SUSD5: variants seen among roughly 807,000 people sequenced by gnomAD.
SUSD5 encodes sushi domain containing 5.
A neutral mutation model predicts 29.5 loss-of-function variants in SUSD5; 33 were observed. The ratio of observed to expected loss-of-function variants is 1.12; its 90% CI spans 0.85 to 1.49. The LOEUF (loss-of-function observed/expected upper bound fraction) is 1.49, where lower values mean the gene tolerates loss of function less well. Ranked by LOEUF, SUSD5 falls within the 40% of genes most tolerant of loss-of-function variation. The pLI is 0.00. For synonymous variants in SUSD5, 308 were observed against 325.3 expected (o/e 0.95, Z 0.57); for missense variants, 776 against 800.6 (o/e 0.97, Z 0.37).
chr3:33,163,401 C>T (rs1200364660), intron 4 of SUSD5, among the ~76,000 whole-genome samples: 1 of 151,434 alleles, frequency 6.6e-6, no homozygotes, highest in Non-Finnish European at 1.5e-5. Flanking sequence ...TACATTATAC[C>T]TAGTTAGATT....
At chr3:33,194,019 A>G (rs974503610) in intron 3 of SUSD5, among the ~76,000 whole-genome samples, 9 of 152,190 alleles carry the variant, frequency 5.9e-5, no homozygotes, top group African/African-American at 1.9e-4. Flanking sequence ...CCTATGAATA[A>G]TATCAGTATT....
At chr3:33,196,117 C>T (rs35171300) in intron 3 of SUSD5, among the ~76,000 whole-genome samples, 21,885 of 152,052 alleles carry the variant, frequency 0.14, 1,746 homozygotes, top group East Asian at 0.26. Context: ...TTTGAATGGC[C>T]CTGAATGGAT....
Position 33,180,937 on chromosome 3 carries a change from G to A in SUSD5, c.410-5863C>T, listed in dbSNP as rs185944440. Among the ~76,000 whole-genome samples the A allele has an allele frequency of 5.1e-3, 761 of 150,290 alleles. 27 individuals are homozygous for A. Among genetic ancestry groups the A allele is most frequent in the East Asian group, 1.9e-3 (10 of 5,136 alleles). On this transcript the variant is annotated intron_variant, in intron 3 of 4. Coordinates refer to ENST00000309558, the MANE Select transcript of SUSD5 (RefSeq NM_015551.2). Reference sequence around the variant, plus strand: ...GGCCTCAAGAGATCCTCCTGCCTCAGGCCTTCCAAAGTGCTGGGGTTGCAG... The same window carrying A: ...GGCCTCAAGAGATCCTCCTGCCTCAAGCCTTCCAAAGTGCTGGGGTTGCAG...
chr3:33,180,987 T>TAAC (rs1417496911), intron 3 of SUSD5, among the ~76,000 whole-genome samples: 1 of 148,814 alleles, frequency 6.7e-6, no homozygotes, highest in Non-Finnish European at 1.5e-5. Flanking sequence ...ACCCAGCAAA[T>TAAC]AATAATAATA....
Position 33,175,070 on chromosome 3 carries a change from C to T in SUSD5, c.414G>A (p.Lys138=), listed in dbSNP as rs751928122. Reference sequence around the variant, plus strand: ...GGAACGAAGGCGGGTCTCCACACGGCTTCTCTGAGGAGAAGGAATCACAGT... The same window carrying T: ...GGAACGAAGGCGGGTCTCCACACGGTTTCTCTGAGGAGAAGGAATCACAGT... The part of the protein sequence containing the change: ...YSALCIKDEE[K]PCGDPPSFPH... Residue 138 remains lysine (K), a synonymous_variant, in exon 4 of 5, where the codon AAG becomes AAA. Coordinates refer to ENST00000309558, the MANE Select transcript of SUSD5 (RefSeq NM_015551.2). 30 of 1,613,868 alleles carry T rather than the reference C, an allele frequency of 1.9e-5. No homozygotes were observed. Among genetic ancestry groups the T allele is most frequent in the Non-Finnish European group, 2.4e-5 (28 of 1,179,866 alleles).
At chr3:33,184,650 T>C (rs2031742423) in intron 3 of SUSD5, among the ~76,000 whole-genome samples, 1 of 152,236 alleles carries the variant, frequency 6.6e-6, no homozygotes, top group Non-Finnish European at 1.5e-5. Flanking sequence ...TTTGGAAGTT[T>C]CTATTGCCAT....
At chr3:33,179,959 T>C (rs2031635274) in intron 3 of SUSD5, among the ~76,000 whole-genome samples, 1 of 152,196 alleles carries the variant, frequency 6.6e-6, no homozygotes, top group Non-Finnish European at 1.5e-5. Context: ...TATGTGTTTG[T>C]GGTGATGCTG....
At chr3:33,157,986 G>C (rs1421864630) in intron 4 of SUSD5, among the ~76,000 whole-genome samples, 1 of 152,216 alleles carries the variant, frequency 6.6e-6, no homozygotes, top group Non-Finnish European at 1.5e-5. Context: ...GAGCTGCTTG[G>C]GGAGCAGGCC....
chr3:33,175,043 T>C lies in SUSD5; in HGVS notation c.441A>G (p.Pro147=). 1 of 1,613,908 alleles carries C rather than the reference T, an allele frequency of 6.2e-7. No individual in the cohort carries two copies. Among genetic ancestry groups the C allele is most frequent in the Non-Finnish European group, 8.5e-7 (1 of 1,179,862 alleles). Residue 147 remains proline (P), a synonymous_variant, in exon 4 of 5, where the codon CCA becomes CCG. Transcript: ENST00000309558. ...EKPCGDPPSF[P]HTILQGRTGL... is the part of the protein sequence containing the mutation. The stretch of plus-strand genomic sequence containing the variant: ...CGGTGCGGCCCTGCAGGATGGTGTG[T>C]GGGAACGAAGGCGGGTCTCCACACG...
chr3:33,213,162 C>T (rs2032352390), intron 2 of SUSD5, among the ~76,000 whole-genome samples: 1 of 152,096 alleles, frequency 6.6e-6, no homozygotes, highest in Non-Finnish European at 1.5e-5. Flanking sequence ...AATCCCAGCA[C>T]TCTGGGAAGC....
chr3:33,193,111 C>T (rs190587499), intron 3 of SUSD5, among the ~76,000 whole-genome samples: 6 of 152,078 alleles, frequency 3.9e-5, no homozygotes, highest in Admixed American at 1.3e-4. Context: ...GAGTTGCAAG[C>T]GATGAAGCTA....
intron 2 of SUSD5, among the ~76,000 whole-genome samples, chr3:33,210,966 C>T (rs2032311657): frequency 6.6e-6 from 1 of 152,116 alleles, no homozygotes; most frequent in African/African-American, 2.4e-5. Flanking sequence ...CTCTGTCTCC[C>T]TGGTTCAAGC....
intron 3 of SUSD5, among the ~76,000 whole-genome samples, chr3:33,191,911 C>T (rs2031898546): frequency 6.6e-6 from 1 of 152,120 alleles, no homozygotes; most frequent in Non-Finnish European, 1.5e-5. Context: ...GTATTCTAGC[C>T]TGGGTGACAG....
chr3:33,161,902 A>G (rs1255591839), intron 4 of SUSD5, among the ~76,000 whole-genome samples: 1 of 152,182 alleles, frequency 6.6e-6, no homozygotes, highest in African/African-American at 2.4e-5. Flanking sequence ...TATTTTAAAC[A>G]TCTCTATCAT....
chr3:33,179,385 G>T (rs2031622881), intron 3 of SUSD5, among the ~76,000 whole-genome samples: 1 of 152,132 alleles, frequency 6.6e-6, no homozygotes, highest in Non-Finnish European at 1.5e-5. Context: ...AAAGAAGAAT[G>T]GACAGCTGTG....
chr3:33,185,950 T>TAA (rs11431922), intron 3 of SUSD5, among the ~76,000 whole-genome samples: 2 of 151,974 alleles, frequency 1.3e-5, no homozygotes, highest in South Asian at 2.1e-4. Context: ...ATGTTACAAT[T>TAA]AAAAAAAATT....
chr3:33,189,394 T>C (rs946951531), intron 3 of SUSD5, among the ~76,000 whole-genome samples: 1 of 147,790 alleles, frequency 6.8e-6, no homozygotes, highest in Non-Finnish European at 1.5e-5. Context: ...GGAGAATCGC[T>C]TGAACCCGGG....
intron 3 of SUSD5, among the ~76,000 whole-genome samples, chr3:33,196,881 C>T (rs1043871367): frequency 2.6e-4 from 39 of 152,090 alleles, no homozygotes; most frequent in African/African-American, 8.9e-4. Flanking sequence ...TCTCAGAAAA[C>T]AAAAAGCCTG....
chr3:33,168,252 T>C (rs532432254), intron 4 of SUSD5, among the ~76,000 whole-genome samples: 47 of 152,226 alleles, frequency 3.1e-4, no homozygotes, highest in South Asian at 6.2e-4. Context: ...TCTTTTTTTT[T>C]CCCTCTGTTC....
Sources: gnomAD v4.1 joint callset for allele counts (sites outside exome capture counted in the v4.1 genomes callset) on GRCh38, gnomAD v4.1.1 for gene constraint, MANE v1.5 for transcripts, NCBI Gene and HGNC (gene_info 2026-07-23, HGNC 2026-07-21) for gene names.